Variants in EXOSC4 observed in about 807,000 individuals in gnomAD.
EXOSC4 encodes the protein exosome component 4.
EXOSC4 carries 14 observed loss-of-function variants against 20.0 expected under a neutral mutation model. The ratio of observed to expected loss-of-function variants is 0.70; its 90% CI spans 0.46 to 1.09. The LOEUF is 1.09. Ranked by LOEUF, EXOSC4 falls within the 50% of genes least tolerant of loss-of-function variation. EXOSC4 has a pLI of 0.00. For missense variants in EXOSC4, 337 were observed against 334.0 expected (o/e 1.01, Z -0.07); for synonymous variants, 148 against 146.4 (o/e 1.01, Z -0.08).
chr8:144,080,577 G>A lies in EXOSC4; in HGVS notation c.714G>A (p.Glu238=). The change falls in exon 3 of 3, where the codon GAG becomes GAA. Residue 238 remains glutamate (E), a synonymous_variant. Coordinates refer to ENST00000316052, the MANE Select transcript of EXOSC4 (RefSeq NM_019037.3). This position sits in a 1 kb window ranked among gnomAD's most constrained non-coding sequence, Gnocchi z 4.9. The part of the protein sequence containing the change: ...LDRVVRQHVR[E]ASILLGD Reference sequence around the variant, plus strand: ...GAGTGGTCCGGCAGCATGTGCGTGAGGCCTCTATCTTGCTGGGGGACTGAC... The same window carrying A: ...GAGTGGTCCGGCAGCATGTGCGTGAAGCCTCTATCTTGCTGGGGGACTGAC... 1 of 1,599,080 alleles carries A rather than the reference G, an allele frequency of 6.3e-7. No individual in the cohort carries two copies. Among genetic ancestry groups the A allele is most frequent in the Non-Finnish European group, 8.5e-7 (1 of 1,179,706 alleles).
Position 144,080,352 on chromosome 8 carries a change from C to T in EXOSC4, c.489C>T (p.Gly163=). The T allele has an allele frequency of 1.2e-6, 2 of 1,613,222 alleles. No homozygotes were observed. The highest frequency in any genetic ancestry group is 8.5e-7 in the Non-Finnish European group (1 of 1,180,040). Residue 163 remains glycine (G), a synonymous_variant, in exon 3 of 3, where the codon GGC becomes GGT. Transcript: ENST00000316052. This position sits in a 1 kb window ranked among gnomAD's most constrained non-coding sequence, Gnocchi z 4.9. ...MRDFVCACSA[G]FVDGTALADL... Reference sequence around the variant, plus strand: ...ACTTTGTGTGTGCGTGCTCAGCTGGCTTCGTGGACGGCACAGCCCTGGCGG... The same window carrying T: ...ACTTTGTGTGTGCGTGCTCAGCTGGTTTCGTGGACGGCACAGCCCTGGCGG...
the EXOSC4 span, among the ~76,000 whole-genome samples, chr8:144,072,030 G>A: frequency 3.3e-5 from 5 of 152,144 alleles, no homozygotes; most frequent in Non-Finnish European, 7.3e-5. Flanking sequence ...GGGTATATGT[G>A]ATACTGTGTT....
chr8:144,067,794 G>A, the EXOSC4 span, among the ~76,000 whole-genome samples: 1 of 152,194 alleles, frequency 6.6e-6, no homozygotes, highest in African/African-American at 2.4e-5. Context: ...GATCACCTGA[G>A]GTCAGGAGTT....
the EXOSC4 span, among the ~76,000 whole-genome samples, chr8:144,064,383 G>A: frequency 1.3e-5 from 2 of 152,256 alleles, no homozygotes; most frequent in Non-Finnish European, 2.9e-5. Flanking sequence ...GGTTGGCACA[G>A]CTTCTGAAGG....
In EXOSC4 at chr8:144,078,766, G is replaced by A; in HGVS notation, c.38G>A (p.Arg13Gln). The change falls in exon 1 of 3, where the codon CGG becomes CAG. Residue 13 changes from arginine (R) to glutamine (Q), a missense_variant. Coordinates refer to ENST00000316052, the MANE Select transcript of EXOSC4 (RefSeq NM_019037.3). This position sits in a 1 kb window ranked among gnomAD's most constrained non-coding sequence, Gnocchi z 4.7. ...GAGCTCTTGTCGGACCAGGGCTACCGGGTGGACGGGCGGCGCGCCGGGGAG... is the reference window on the plus strand; with the variant it reads ...GAGCTCTTGTCGGACCAGGGCTACCAGGTGGACGGGCGGCGCGCCGGGGAG... ...GLELLSDQGY[R>Q]VDGRRAGELR... 6.5e-7 allele frequency: 1 copy of A among 1,533,298 alleles called. No individual in the cohort carries two copies. 95.0% of individuals were successfully genotyped at this position (1,533,298 alleles called of 1,614,324 possible). A position where few individuals can be genotyped will look rare whatever the true frequency, so the allele number is the denominator to read the frequency against.
At chr8:144,066,711 T>C in the EXOSC4 span, among the ~76,000 whole-genome samples, 28 of 152,090 alleles carry the variant, frequency 1.8e-4, 1 homozygote, top group South Asian at 5.2e-3. Flanking sequence ...CCCAAAGTGC[T>C]GGGATTAGGG....
At position 144,080,011 on chromosome 8, in the gene EXOSC4, C is replaced by T. The variant is rs782529066; in HGVS notation, c.240C>T (p.Thr80=). 35 of 1,613,980 alleles carry T rather than the reference C, an allele frequency of 2.2e-5. No individual in the cohort carries two copies. Among genetic ancestry groups the T allele is most frequent in the Non-Finnish European group, 3.0e-5 (35 of 1,180,046 alleles). The change falls in exon 2 of 3, where the codon ACC becomes ACT. Residue 80 remains threonine (T), a synonymous_variant. Coordinates refer to ENST00000316052, the MANE Select transcript of EXOSC4 (RefSeq NM_019037.3). The surrounding 1 kb of genome is among the most constrained non-coding windows in gnomAD (Gnocchi z 4.9). ...TGAACTGTCAATATAGTTCAGCGACCTTCAGCACAGGTGAGCGCAAGCGAC... is the reference window on the plus strand; with the variant it reads ...TGAACTGTCAATATAGTTCAGCGACTTTCAGCACAGGTGAGCGCAAGCGAC... ...ALVNCQYSSA[T]FSTGERKRRP... is the part of the protein sequence containing the mutation.
upstream of EXOSC4, among the ~76,000 whole-genome samples, chr8:144,075,371 T>C (rs144267683): frequency 0.053 from 8,109 of 151,924 alleles, 763 homozygotes; most frequent in African/African-American, 0.18. Context: ...GGACTACAGG[T>C]GCCCGCCACC....
At chr8:144,077,443 T>C (rs11990468), upstream of EXOSC4, among the ~76,000 whole-genome samples, 8,149 of 152,134 alleles carry the variant, frequency 0.054, 779 homozygotes, top group African/African-American at 0.19. Flanking sequence ...AGCAGCAGGG[T>C]TGTGGCTTGC....
At chr8:144,077,603 A>C (rs1233913453), upstream of EXOSC4, among the ~76,000 whole-genome samples, 1 of 152,208 alleles carries the variant, frequency 6.6e-6, no homozygotes, top group Non-Finnish European at 1.5e-5. Flanking sequence ...CTCCCACTGA[A>C]GGGTGGGGTC....
At chr8:144,079,428 A>G (rs1223590004) in intron 1 of EXOSC4, 3 of 277,178 alleles carry the variant, frequency 1.1e-5, no homozygotes, top group African/African-American at 6.7e-5. Context: ...GTGTTTGCTT[A>G]GCGCATGAGT....
chr8:144,080,503 T>C lies in EXOSC4; in HGVS notation c.640T>C (p.Leu214=). The C allele has an allele frequency of 6.2e-7, 1 of 1,605,762 alleles. No homozygotes were observed. The highest frequency in any genetic ancestry group is 8.5e-7 in the Non-Finnish European group (1 of 1,179,966). ...RLHEDHLERV[L]EAAAQAARDV... is the part of the protein sequence containing the mutation. ...GCACGAGGACCACCTGGAGCGGGTGTTGGAGGCTGCTGCCCAGGCTGCCCG... is the reference window on the plus strand; with the variant it reads ...GCACGAGGACCACCTGGAGCGGGTGCTGGAGGCTGCTGCCCAGGCTGCCCG... Residue 214 remains leucine, a synonymous_variant, in exon 3 of 3, where the codon TTG becomes CTG. Transcript: ENST00000316052. The surrounding 1 kb of genome is among the most constrained non-coding windows in gnomAD (Gnocchi z 4.9).
chr8:144,078,828 C>T lies in EXOSC4; in HGVS notation c.100C>T (p.Gln34Ter), dbSNP rs782077905. 2 of 1,581,150 alleles carry T rather than the reference C, an allele frequency of 1.3e-6. No homozygotes were observed. Among genetic ancestry groups the T allele is most frequent in the East Asian group, 2.5e-5 (1 of 40,752 alleles). The change falls in exon 1 of 3, where the codon CAG becomes TAG. Residue 34 changes from glutamine to a stop codon, truncating the protein, a stop_gained. Transcript: ENST00000316052. LOFTEE classifies it high-confidence loss of function. The surrounding 1 kb of genome is among the most constrained non-coding windows in gnomAD (Gnocchi z 4.7). ...KIQARMGVFA[Q>*]ADGSAYIEQG... The stretch of plus-strand genomic sequence containing the variant: ...CCAGGCGCGGATGGGCGTGTTCGCG[C>T]AGGCTGACGGCTCGGCCTACATTGA...
At chr8:144,079,433 A>T (rs1018299462) in intron 1 of EXOSC4, 1 of 302,668 alleles carries the variant, frequency 3.3e-6, no homozygotes, top group Non-Finnish European at 6.5e-6. Context: ...TGCTTAGCGC[A>T]TGAGTGTGGG....
the EXOSC4 span, among the ~76,000 whole-genome samples, chr8:144,072,711 T>C: frequency 1.3e-5 from 2 of 152,236 alleles, no homozygotes; most frequent in African/African-American, 4.8e-5. Flanking sequence ...TCCAGGGTGA[T>C]GCAAATGACA....
the EXOSC4 span, among the ~76,000 whole-genome samples, chr8:144,067,163 G>T: frequency 2.0e-5 from 3 of 152,172 alleles, no homozygotes; most frequent in Non-Finnish European, 2.9e-5. Context: ...AAAGCCAGAG[G>T]GTAAAGCGTG....
upstream of EXOSC4, among the ~76,000 whole-genome samples, chr8:144,075,089 G>A (rs577681203): frequency 4.9e-4 from 74 of 152,200 alleles, no homozygotes; most frequent in African/African-American, 1.5e-3. Context: ...TTTTGACAGG[G>A]TCTCATTCTG....
Position 144,080,165 on chromosome 8 carries a change from C to T in EXOSC4, c.378+16C>T. ...CTATGTGCAGGTGAGCCAGCTGCAG[C>T]CGTCAATCCAGGGAGGGAAGGGTGT... On this transcript the variant is annotated intron_variant, in intron 2 of 2. Transcript: ENST00000316052. The surrounding 1 kb of genome is among the most constrained non-coding windows in gnomAD (Gnocchi z 4.9). The T allele has an allele frequency of 1.9e-6, 3 of 1,607,882 alleles. No homozygotes were observed. Among genetic ancestry groups the T allele is most frequent in the Non-Finnish European group, 2.6e-6 (3 of 1,175,402 alleles).
chr8:144,079,005 G>GA, intron 1 of EXOSC4, 106 bp downstream of exon 1: 20 of 1,241,406 alleles, frequency 1.6e-5, no homozygotes, highest in South Asian at 1.2e-4. Flanking sequence ...GCGCGCCTCA[G>GA]TCTACACAGC....
Sources: allele counts gnomAD v4.1 joint callset (sites outside exome capture counted in the v4.1 genomes callset), GRCh38; gene constraint gnomAD v4.1.1; non-coding constraint Gnocchi (gnomAD v3.1); transcripts MANE v1.5; gene names NCBI Gene and HGNC (gene_info 2026-07-23, HGNC 2026-07-21).